FSIP1: variants seen among roughly 807,000 people sequenced by gnomAD.
FSIP1 encodes the protein fibrous sheath-interacting protein 1.
In FSIP1, 65 loss-of-function variants were observed where a neutral mutation model predicts 60.9. That is an observed-to-expected ratio of 1.07 (90% CI 0.87 to 1.31). The LOEUF (loss-of-function observed/expected upper bound fraction) is 1.31, where lower values mean the gene tolerates loss of function less well. Ranked by LOEUF, FSIP1 falls within the 40% of genes most tolerant of loss-of-function variation. The probability of loss-of-function intolerance (pLI) is 0.00; values close to 1 mark genes in which losing one functional copy is unlikely to be tolerated. For synonymous variants in FSIP1, 209 were observed against 221.2 expected (o/e 0.94, Z 0.49); for missense variants, 675 against 665.5 (o/e 1.01, Z -0.16).
Position 39,713,544 on chromosome 15 carries a change from G to T in FSIP1, c.1088C>A (p.Thr363Asn). 1 of 1,604,796 alleles carries T rather than the reference G, an allele frequency of 6.2e-7. No individual in the cohort carries two copies. The highest frequency in any genetic ancestry group is 1.1e-5 in the South Asian group (1 of 89,346). ...GTTCCTAAGTATCTTTTCTCCTGGAGTTACTTCCATATTTCTTTCACCATC... is the reference window on the plus strand; with the variant it reads ...GTTCCTAAGTATCTTTTCTCCTGGATTTACTTCCATATTTCTTTCACCATC... Reference protein sequence around the residue: ...DRDGERNMEVTPGEKILRNTK... With the variant: ...DRDGERNMEVNPGEKILRNTK... Residue 363 changes from threonine (T) to asparagine (N), a missense_variant, in exon 10 of 12, where the codon ACT becomes AAT. By Grantham distance (65) the Thr-to-Asn change is moderately conservative (BLOSUM62 0). Transcript: ENST00000350221.
chr15:39,758,917 A>C (rs1897391690), intron 5 of FSIP1, among the ~76,000 whole-genome samples: 1 of 152,136 alleles, frequency 6.6e-6, no homozygotes, highest in Non-Finnish European at 1.5e-5. Flanking sequence ...CATTTCAAAT[A>C]AGTGGGGAAA....
intron 1 of FSIP1, among the ~76,000 whole-genome samples, chr15:39,779,193 ATT>A (rs1162208388): frequency 6.6e-6 from 1 of 152,182 alleles, no homozygotes. Context: ...CTGGGTAAAG[ATT>A]TTAAACAGAA....
rs1418570015 is a variant in FSIP1 at position 39,648,168 on chromosome 15, TAAAAAAAAAAAGA to T, written c.1189-29936_1189-29924del. Among the ~76,000 whole-genome samples the T allele has an allele frequency of 4.0e-5, 3 of 74,862 alleles. No individual in the cohort carries two copies. The Admixed American group carries it at 4.1e-4, about 10-fold the overall frequency. The allele number at this position is 74,862 out of a possible 152,430, so 49.1% of individuals were successfully genotyped here. A position where few individuals can be genotyped will look rare whatever the true frequency, so the allele number is the denominator to read the frequency against. ...ATGTACCCTAAAACTTAAAGTATAA[TAAAAAAAAAAAGA>T]AAAAAAAAGAATCTAGTATAAAATT... is the stretch of plus-strand genomic sequence containing the variant. On this transcript the variant is annotated intron_variant, in intron 10 of 11. Coordinates refer to ENST00000350221, the MANE Select transcript of FSIP1 (RefSeq NM_152597.5).
At chr15:39,723,727 G>C (rs779677358) in intron 9 of FSIP1, among the ~76,000 whole-genome samples, 16 of 152,220 alleles carry the variant, frequency 1.1e-4, no homozygotes, top group Admixed American at 3.3e-4. Context: ...TTGCAGAAGA[G>C]TTAAAGTGAA....
intron 1 of FSIP1, among the ~76,000 whole-genome samples, chr15:39,782,381 C>T (rs941413955): frequency 6.6e-6 from 1 of 152,166 alleles, no homozygotes; most frequent in African/African-American, 2.4e-5. Flanking sequence ...AGATCCAAAT[C>T]TCGGGAAAGT....
intron 10 of FSIP1, among the ~76,000 whole-genome samples, chr15:39,672,090 T>C (rs565065193): frequency 7.2e-4 from 110 of 152,336 alleles, no homozygotes; most frequent in African/African-American, 2.5e-3. Flanking sequence ...CTGTGGGTTT[T>C]GGAGTCAAGG....
At chr15:39,747,163 A>C (rs1897028350) in intron 5 of FSIP1, 1 of 151,734 alleles carries the variant, frequency 6.6e-6, no homozygotes, top group Non-Finnish European at 1.5e-5. Flanking sequence ...ACTATACAAC[A>C]ATTTGGAAAG....
At chr15:39,665,582 T>A (rs1195294448) in intron 10 of FSIP1, among the ~76,000 whole-genome samples, 1 of 152,202 alleles carries the variant, frequency 6.6e-6, no homozygotes, top group African/African-American at 2.4e-5. Context: ...GGTCACAGAC[T>A]AAGGCAGTGG....
Position 39,776,344 on chromosome 15 carries a change from T to C in FSIP1, c.126+55A>G. The C allele has an allele frequency of 1.9e-6, 3 of 1,552,352 alleles. No homozygotes were observed. The East Asian group carries it at 6.8e-5, about 35-fold the overall frequency. On this transcript the variant is annotated intron_variant, in intron 2 of 11. Transcript: ENST00000350221. ...GATGTTAACAACAACCTTAGTTTCA[T>C]CAACTGCTGAGAGGTTGGGGAAAGG... is the stretch of plus-strand genomic sequence containing the variant.
intron 10 of FSIP1, among the ~76,000 whole-genome samples, chr15:39,638,149 G>T (rs1325410911): frequency 1.3e-5 from 2 of 152,148 alleles, no homozygotes; most frequent in East Asian, 1.9e-4. Context: ...GATTTCCCAA[G>T]AATATTTTAA....
chr15:39,779,149 C>T (rs76523332), intron 1 of FSIP1, among the ~76,000 whole-genome samples: 5,112 of 151,994 alleles, frequency 0.034, 284 homozygotes, highest in African/African-American at 0.12. Flanking sequence ...AGAGCTCTTA[C>T]CAATCAGTAA....
At chr15:39,692,039 G>C (rs191926783) in intron 10 of FSIP1, among the ~76,000 whole-genome samples, 1 of 147,658 alleles carries the variant, frequency 6.8e-6, no homozygotes, top group East Asian at 2.0e-4. Context: ...GCTGCAAAAG[G>C]ATTATTTTCT....
chr15:39,667,199 T>G (rs1893529662), intron 10 of FSIP1, among the ~76,000 whole-genome samples: 1 of 152,190 alleles, frequency 6.6e-6, no homozygotes, highest in Admixed American at 6.5e-5. Flanking sequence ...TTCTCATAAC[T>G]CAATGACTTG....
chr15:39,616,021 A>T (rs548973025), intron 11 of FSIP1, among the ~76,000 whole-genome samples: 12 of 152,354 alleles, frequency 7.9e-5, no homozygotes, highest in African/African-American at 2.6e-4. Flanking sequence ...CTCATCTCAC[A>T]TTGTATACAT....
intron 10 of FSIP1, among the ~76,000 whole-genome samples, chr15:39,634,957 C>T (rs1457000068): frequency 2.0e-5 from 3 of 146,352 alleles, no homozygotes; most frequent in African/African-American, 7.3e-5. Flanking sequence ...AAGATAGAGG[C>T]CTAAAAGCAA....
intron 6 of FSIP1, 97 bp downstream of exon 6, chr15:39,741,708 G>T: frequency 1.5e-6 from 1 of 659,878 alleles, no homozygotes; most frequent in Non-Finnish European, 2.7e-6. Context: ...CTTACCTTTG[G>T]ATTAAATTAC....
rs551945091 is a variant in FSIP1 at position 39,653,763 on chromosome 15, T to C, written c.1189-35518A>G. Among the ~76,000 whole-genome samples the C allele has an allele frequency of 6.6e-5, 10 of 152,338 alleles. No homozygotes were observed. The East Asian group carries it at 1.3e-3, about 21-fold the overall frequency. On this transcript the variant is annotated intron_variant, in intron 10 of 11. Transcript: ENST00000350221. ...TTCTCTTTGCTTGCTGCCATCCACG[T>C]AAGATGAGACTTGCTCCTCCTTGCC...
At chr15:39,715,584 A>G (rs1190331055) in intron 9 of FSIP1, among the ~76,000 whole-genome samples, 1 of 152,206 alleles carries the variant, frequency 6.6e-6, no homozygotes, top group East Asian at 1.9e-4. Flanking sequence ...CGTCAATTTC[A>G]AGAAGTGATT....
intron 5 of FSIP1, among the ~76,000 whole-genome samples, chr15:39,763,428 G>A (rs1191363162): frequency 6.6e-6 from 1 of 152,168 alleles, no homozygotes; most frequent in African/African-American, 2.4e-5. Context: ...GACTGTGAGA[G>A]ACCAGGAAAT....
Sources: gnomAD v4.1 joint callset for allele counts (sites outside exome capture counted in the v4.1 genomes callset) on GRCh38, gnomAD v4.1.1 for gene constraint, MANE v1.5 for transcripts, NCBI Gene and HGNC (gene_info 2026-07-23, HGNC 2026-07-21) for gene names.